The following CACNA1C variants were observed in gnomAD, a reference collection of about 807,000 sequenced individuals.
CACNA1C encodes calcium voltage-gated channel subunit alpha1 C, also known as voltage-dependent L-type calcium channel subunit alpha-1C.
CACNA1C carries 30 observed loss-of-function variants against 229.0 expected under a neutral mutation model. The ratio of observed to expected loss-of-function variants is 0.13; its 90% CI spans 0.10 to 0.18. CACNA1C has a LOEUF of 0.18. CACNA1C is among the 10% of genes least tolerant of loss of function. The pLI, the probability that CACNA1C is intolerant of heterozygous loss-of-function variation, is 1.00. For missense variants in CACNA1C, 1,658 were observed against 2,845.0 expected, an observed-to-expected ratio of 0.58 and a Z score of 9.49; for synonymous variants, 1,114 against 1,132.5, an observed-to-expected ratio of 0.98 and a Z score of 0.33.
At chr12:2,324,509 T>C (rs2096191845) in intron 3 of CACNA1C, among the ~76,000 whole-genome samples, 1 of 152,212 alleles carries the variant, frequency 6.6e-6, no homozygotes, top group South Asian at 2.1e-4. Flanking sequence ...ACAGCAGCCC[T>C]GGGTCCCGCG....
At chr12:2,487,965 A>G (rs968924720) in intron 6 of CACNA1C, among the ~76,000 whole-genome samples, 1 of 152,154 alleles carries the variant, frequency 6.6e-6, no homozygotes, top group African/African-American at 2.4e-5. Flanking sequence ...TGAAATTATC[A>G]ATGACCCATT....
At chr12:2,498,408 G>A (rs1486973138) in intron 7 of CACNA1C, among the ~76,000 whole-genome samples, 1 of 152,196 alleles carries the variant, frequency 6.6e-6, no homozygotes, top group Non-Finnish European at 1.5e-5. Context: ...CTGTTCAGAA[G>A]CATATCAAGG....
chr12:2,596,696 C>T (rs1028161520), intron 20 of CACNA1C, among the ~76,000 whole-genome samples: 2 of 152,132 alleles, frequency 1.3e-5, no homozygotes, highest in African/African-American at 2.4e-5. Flanking sequence ...GTCCTGGAGC[C>T]GGTCCTCAGC....
intron 4 of CACNA1C, among the ~76,000 whole-genome samples, chr12:2,454,204 C>A (rs1340070730): frequency 6.6e-6 from 1 of 152,226 alleles, no homozygotes; most frequent in African/African-American, 2.4e-5. Context: ...CGCTCTACTT[C>A]ACTCCGACAC....
At chr12:2,004,632 G>T (rs2043033017) in intron 1 of CACNA1C, 1 of 713,948 alleles carries the variant, frequency 1.4e-6, no homozygotes, top group Non-Finnish European at 2.2e-6. Flanking sequence ...GCCCACTGAG[G>T]ATCGTTGCCA....
At chr12:2,249,965 C>G (rs954860988) in intron 3 of CACNA1C, among the ~76,000 whole-genome samples, 2 of 152,102 alleles carry the variant, frequency 1.3e-5, no homozygotes, top group South Asian at 4.2e-4. Flanking sequence ...CCCGCCACCA[C>G]GCCTGGCTAA....
At chr12:2,148,738 CAG>C (rs1395060540) in intron 3 of CACNA1C, among the ~76,000 whole-genome samples, 3 of 150,940 alleles carry the variant, frequency 2.0e-5, no homozygotes, top group Admixed American at 6.7e-5. Context: ...TTTGTAGAAA[CAG>C]GGTCTTGCTG....
intron 3 of CACNA1C, among the ~76,000 whole-genome samples, chr12:2,166,933 A>G (rs2096263232): frequency 6.6e-6 from 1 of 152,212 alleles, no homozygotes; most frequent in African/African-American, 2.4e-5. Context: ...GAAATAACCT[A>G]CACCAGACGT....
intron 5 of CACNA1C, among the ~76,000 whole-genome samples, chr12:2,465,919 C>T (rs933813759): frequency 1.3e-5 from 2 of 152,104 alleles, no homozygotes; most frequent in Non-Finnish European, 2.9e-5. Context: ...GCCAGAAGAT[C>T]CTATGCTGCT....
intron 3 of CACNA1C, among the ~76,000 whole-genome samples, chr12:2,448,309 C>T (rs1201447365): frequency 2.6e-5 from 4 of 152,174 alleles, no homozygotes; most frequent in Admixed American, 1.3e-4. Context: ...TGCCTCCATC[C>T]GCAAAGTGCT....
rs954118561 is a variant in CACNA1C, at chr12:2,479,188, T to C, written c.758-6916T>C. 6.6e-6 allele frequency among the ~76,000 whole-genome samples: 1 copy of C among 152,046 alleles called. No individual in the cohort carries two copies. The highest frequency in any genetic ancestry group is 1.5e-5 in the Non-Finnish European group (1 of 68,006). ...TGCCCTTCACTTGAACACCTGTTTT[T>C]TTTAAGTTTTTAAAAATTGTTTTAA... On this transcript the variant is annotated intron_variant, in intron 5 of 46. Coordinates refer to ENST00000399655, the MANE Select transcript of CACNA1C (RefSeq NM_000719.7). This position sits in a 1 kb window ranked among gnomAD's most constrained non-coding sequence, Gnocchi z 4.3.
chr12:2,191,484 C>T (rs71454874), intron 3 of CACNA1C, among the ~76,000 whole-genome samples: 128 of 152,282 alleles, frequency 8.4e-4, no homozygotes, highest in Middle Eastern at 3.4e-3. Context: ...TTAACCCAGA[C>T]ATGGGCCTGA....
At chr12:2,565,423 C>T (rs959702495) in intron 11 of CACNA1C, among the ~76,000 whole-genome samples, 4 of 145,240 alleles carry the variant, frequency 2.8e-5, no homozygotes, top group Non-Finnish European at 4.5e-5. Flanking sequence ...GCCGAGATTG[C>T]GCCACTGCAG....
intron 1 of CACNA1C, among the ~76,000 whole-genome samples, chr12:2,075,713 G>A (rs2062950211): frequency 6.6e-6 from 1 of 152,188 alleles, no homozygotes; most frequent in South Asian, 2.1e-4. Flanking sequence ...AGTGGCGTCA[G>A]TACCATGGAC....
intron 1 of CACNA1C, among the ~76,000 whole-genome samples, chr12:2,045,499 TA>T (rs2050887908): frequency 6.6e-6 from 1 of 152,208 alleles, no homozygotes; most frequent in Non-Finnish European, 1.5e-5. Flanking sequence ...TCTAATTAAA[TA>T]GCCGAGGGTG....
intron 1 of CACNA1C, among the ~76,000 whole-genome samples, chr12:2,040,341 A>G (rs1566005664): frequency 1.3e-5 from 2 of 152,312 alleles, no homozygotes; most frequent in East Asian, 3.9e-4. Context: ...CACTAAATGC[A>G]TAGAAGTGAC....
At position 2,053,697 on chromosome 12, in the gene CACNA1C, G is replaced by T; in HGVS notation, c.49+86G>T. 2 of 1,402,228 alleles carry T rather than the reference G, an allele frequency of 1.4e-6. No individual in the cohort carries two copies. The highest frequency in any genetic ancestry group is 6.2e-5 in the East Asian group (2 of 32,152). The allele number at this position is 1,402,228 out of a possible 1,614,324, so 86.9% of individuals were successfully genotyped here. A position where few individuals can be genotyped will look rare whatever the true frequency, so the allele number is the denominator to read the frequency against. ...TACCCGCGCTCCCCGCGGCCCCGGG[G>T]CCGGTCCCTGCGGAGTGGCCCGGGG... On this transcript the variant is annotated intron_variant, in intron 1 of 46. Coordinates refer to ENST00000399655, the MANE Select transcript of CACNA1C (RefSeq NM_000719.7). This position sits in a 1 kb window ranked among gnomAD's most constrained non-coding sequence, Gnocchi z 5.8.
rs780526966 is a variant in CACNA1C, at chr12:2,581,614, G to A, written c.1920G>A (p.Leu640=). Reference sequence around the variant, plus strand: ...GGTACTGGAACTCCTTGAGCAACCTGGTGGCATCCTTGCTGAACTCTGTGC... The same window carrying A: ...GGTACTGGAACTCCTTGAGCAACCTAGTGGCATCCTTGCTGAACTCTGTGC... ...ITRYWNSLSN[L]VASLLNSVRS... Residue 640 remains leucine, a synonymous_variant, in exon 14 of 47, where the codon CTG becomes CTA. Transcript: ENST00000399655. The A allele has an allele frequency of 6.4e-7, 1 of 1,572,360 alleles. No individual in the cohort carries two copies. The highest frequency in any genetic ancestry group is 2.3e-5 in the East Asian group (1 of 42,826).
rs1453739277 is a variant in CACNA1C at position 2,410,702 on chromosome 12, GTGTGTGTGTGTGCGTGCACGCA to G, written c.478-38260_478-38239del. 6.7e-6 allele frequency among the ~76,000 whole-genome samples: 1 copy of G among 150,274 alleles called. No individual in the cohort carries two copies. Among genetic ancestry groups the G allele is most frequent in the Admixed American group, 6.6e-5 (1 of 15,116 alleles). Reference sequence around the variant, plus strand: ...CTAGCTGTGAGGATGGCTCGCCTGTGTGTGTGTGTGTGCGTGCACGCATGTGTGTGTGTGCATGCGTGTGTGT... The same window carrying G: ...CTAGCTGTGAGGATGGCTCGCCTGTGTGTGTGTGTGTGCATGCGTGTGTGT... On this transcript the variant is annotated intron_variant, in intron 3 of 46. Transcript: ENST00000399655. The surrounding 1 kb of genome is among the most constrained non-coding windows in gnomAD (Gnocchi z 5.3).
Sources: gnomAD v4.1 joint callset for allele counts (sites outside exome capture counted in the v4.1 genomes callset) on GRCh38, gnomAD v4.1.1 for gene constraint, Gnocchi (gnomAD v3.1) non-coding constraint, MANE v1.5 for transcripts, NCBI Gene and HGNC (gene_info 2026-07-23, HGNC 2026-07-21) for gene names.